PHACTR1: variants seen among roughly 807,000 people sequenced by gnomAD.
PHACTR1 encodes phosphatase and actin regulator 1, also known as RPEL repeat containing 1.
Under a neutral mutation model 69.2 loss-of-function variants are expected in PHACTR1, and 16 were observed. That is an observed-to-expected ratio of 0.23 (90% CI 0.16 to 0.35). The LOEUF is 0.35. PHACTR1 is among the 10% of genes least tolerant of loss of function. The pLI is 1.00. For missense variants in PHACTR1, 510 were observed against 734.7 expected (o/e 0.69, Z 3.54); for synonymous variants, 312 against 284.5 (o/e 1.10, Z -0.97).
intron 5 of PHACTR1, among the ~76,000 whole-genome samples, chr6:13,053,891 A>G (rs1244600423): frequency 1.3e-5 from 2 of 152,238 alleles, no homozygotes; most frequent in Non-Finnish European, 2.9e-5. Context: ...AAAAGTGAAC[A>G]CATAGCAGAA....
rs190443273 is a variant in PHACTR1, at chr6:13,174,513, A to T, written c.497-8006A>T. On this transcript the variant is annotated intron_variant, in intron 6 of 14. Transcript: ENST00000332995. ...TTGTCGCATGGCACTTCACTTACAT[A>T]ATGTTTCTTTACAATGGAAGCATAA... Among the ~76,000 whole-genome samples, 9 of 152,342 alleles carry T rather than the reference A, an allele frequency of 5.9e-5. 1 individual carries two copies. The highest frequency in any genetic ancestry group is 2.9e-5 in the Non-Finnish European group (2 of 68,018).
intron 4 of PHACTR1, among the ~76,000 whole-genome samples, chr6:12,819,753 G>A (rs930054554): frequency 1.3e-5 from 2 of 152,136 alleles, no homozygotes; most frequent in African/African-American, 2.4e-5. Flanking sequence ...AGTGAGGGAC[G>A]CAGCTCTGTT....
chr6:12,964,614 G>C (rs11757634), intron 4 of PHACTR1, among the ~76,000 whole-genome samples: 72,620 of 152,030 alleles, frequency 0.48, 19,270 homozygotes, highest in African/African-American at 0.71. Flanking sequence ...GCATTGAAAA[G>C]AATTTGAATA....
chr6:13,014,359 A>G (rs529363944), intron 4 of PHACTR1, among the ~76,000 whole-genome samples: 3 of 152,280 alleles, frequency 2.0e-5, no homozygotes, highest in African/African-American at 7.2e-5. Context: ...ATTGACGTAT[A>G]TGGTCCCCAA....
At chr6:12,917,935 G>A (rs183807285) in intron 4 of PHACTR1, among the ~76,000 whole-genome samples, 7 of 152,186 alleles carry the variant, frequency 4.6e-5, no homozygotes, top group African/African-American at 1.7e-4. Context: ...AACACAGAAT[G>A]CAATTCGTGT....
In PHACTR1 at chr6:13,252,447, G is replaced by A. The variant is rs781653517; in HGVS notation, c.1392-20413G>A. ...ATTTTCCATTCTTTTCCTTCTTTCC[G>A]TTTCCCATATAAATAGATCCTTTCC... is the stretch of plus-strand genomic sequence containing the variant. On this transcript the variant is annotated intron_variant, in intron 10 of 14. Coordinates refer to ENST00000332995, the MANE Select transcript of PHACTR1 (RefSeq NM_030948.6). Among the ~76,000 whole-genome samples, 84 of 151,374 alleles carry A rather than the reference G, an allele frequency of 5.5e-4. 1 individual carries two copies. The highest frequency in any genetic ancestry group is 4.4e-4 in the Non-Finnish European group (30 of 67,912).
intron 4 of PHACTR1, among the ~76,000 whole-genome samples, chr6:12,806,506 G>C (rs1268590156): frequency 6.6e-6 from 1 of 152,008 alleles, no homozygotes; most frequent in Non-Finnish European, 1.5e-5. Context: ...CTGTTAGAGA[G>C]GGGGTCTTGT....
At chr6:12,863,641 C>T (rs1781156752) in intron 4 of PHACTR1, among the ~76,000 whole-genome samples, 1 of 152,230 alleles carries the variant, frequency 6.6e-6, no homozygotes, top group African/African-American at 2.4e-5. Context: ...CCTGGGAGGA[C>T]ATTCTCAGGA....
chr6:13,037,610 G>A (rs1803501498), intron 4 of PHACTR1, among the ~76,000 whole-genome samples: 1 of 152,158 alleles, frequency 6.6e-6, no homozygotes, highest in South Asian at 2.1e-4. Context: ...GAGTAGAATT[G>A]GAGCCAGTGA....
intron 10 of PHACTR1, among the ~76,000 whole-genome samples, chr6:13,241,752 A>G (rs1772870490): frequency 6.6e-6 from 1 of 152,052 alleles, no homozygotes; most frequent in South Asian, 2.1e-4. Context: ...GGGTGGGCGC[A>G]GTGGCTCACA....
chr6:12,902,352 G>C (rs999148487), intron 4 of PHACTR1, among the ~76,000 whole-genome samples: 9 of 152,204 alleles, frequency 5.9e-5, no homozygotes, highest in Non-Finnish European at 1.3e-4. Context: ...GAACTCGGGA[G>C]GCAGAAGTTG....
chr6:12,740,497 A>G (rs976803167), intron 3 of PHACTR1, among the ~76,000 whole-genome samples: 1 of 152,168 alleles, frequency 6.6e-6, no homozygotes, highest in Non-Finnish European at 1.5e-5. Flanking sequence ...GTCGCTGAGT[A>G]TCTTTTCATA....
chr6:12,893,259 C>T (rs1784330144), intron 4 of PHACTR1, among the ~76,000 whole-genome samples: 1 of 152,194 alleles, frequency 6.6e-6, no homozygotes, highest in African/African-American at 2.4e-5. Context: ...AAGCCAAACA[C>T]AGCTGTGCAG....
intron 8 of PHACTR1, among the ~76,000 whole-genome samples, chr6:13,227,519 A>T (rs1488362582): frequency 6.6e-6 from 1 of 152,100 alleles, no homozygotes; most frequent in African/African-American, 2.4e-5. Flanking sequence ...CAACCATCAC[A>T]CCACCCACGA....
chr6:12,989,465 A>G (rs1007756285), intron 4 of PHACTR1, among the ~76,000 whole-genome samples: 2 of 152,296 alleles, frequency 1.3e-5, no homozygotes, highest in African/African-American at 4.8e-5. Flanking sequence ...GGCCAGCAAG[A>G]TAGATGTTGG....
intron 4 of PHACTR1, among the ~76,000 whole-genome samples, chr6:12,790,186 T>C (rs1772085893): frequency 6.6e-6 from 1 of 152,188 alleles, no homozygotes; most frequent in African/African-American, 2.4e-5. Context: ...GGTCAATTCC[T>C]AATTTCACTT....
chr6:12,759,621 G>A (rs1055428770), intron 4 of PHACTR1, among the ~76,000 whole-genome samples: 14 of 151,952 alleles, frequency 9.2e-5, no homozygotes, highest in African/African-American at 3.1e-4. Flanking sequence ...CAAGAAAAAT[G>A]TTTTAATTTC....
chr6:12,913,291 T>C (rs1786609360), intron 4 of PHACTR1, among the ~76,000 whole-genome samples: 1 of 152,252 alleles, frequency 6.6e-6, no homozygotes, highest in South Asian at 2.1e-4. Flanking sequence ...GCTCTCACTG[T>C]GTCCCAAGAG....
At chr6:13,078,811 A>G (rs1238094160) in intron 5 of PHACTR1, among the ~76,000 whole-genome samples, 21 of 152,186 alleles carry the variant, frequency 1.4e-4, no homozygotes, top group Admixed American at 1.4e-3. Flanking sequence ...CCCAGTGGCT[A>G]GAGAACTGCT....
Sources: gnomAD v4.1 joint callset for allele counts (sites outside exome capture counted in the v4.1 genomes callset) on GRCh38, gnomAD v4.1.1 for gene constraint, MANE v1.5 for transcripts, NCBI Gene and HGNC (gene_info 2026-07-23, HGNC 2026-07-21) for gene names.